Variants in RABGAP1L observed in about 807,000 individuals in gnomAD.
The protein encoded by RABGAP1L is RAB GTPase activating protein 1 like.
RABGAP1L carries 63 observed loss-of-function variants against 137.7 expected under a neutral mutation model. The observed-to-expected ratio is 0.46, with a 90% CI of 0.37 to 0.56. The LOEUF is 0.56. Ranked by LOEUF, RABGAP1L falls within the 20% of genes least tolerant of loss-of-function variation. The probability of loss-of-function intolerance (pLI) is 0.00; values close to 1 mark genes in which losing one functional copy is unlikely to be tolerated. For synonymous variants in RABGAP1L, 431 were observed against 433.7 expected (o/e 0.99, Z 0.08); for missense variants, 1,095 against 1,244.0 (o/e 0.88, Z 1.80).
At chr1:174,934,289 T>C (rs980837779) in intron 19 of RABGAP1L, among the ~76,000 whole-genome samples, 1 of 152,044 alleles carries the variant, frequency 6.6e-6, no homozygotes, top group African/African-American at 2.4e-5. Flanking sequence ...GGTTTCACCA[T>C]GTAGGTCAGG....
chr1:174,794,461 C>T (rs1688093512), intron 18 of RABGAP1L, among the ~76,000 whole-genome samples: 1 of 152,158 alleles, frequency 6.6e-6, no homozygotes, highest in Non-Finnish European at 1.5e-5. Flanking sequence ...ATGTGCTAGG[C>T]TCTACGAGAG....
chr1:174,645,850 C>T (rs570018285), intron 14 of RABGAP1L, among the ~76,000 whole-genome samples: 2 of 152,206 alleles, frequency 1.3e-5, no homozygotes, highest in South Asian at 2.1e-4. Context: ...CCTGTTTCTC[C>T]ACATCCTCTC....
chr1:174,851,096 T>C (rs867752321), intron 19 of RABGAP1L, among the ~76,000 whole-genome samples: 2 of 152,242 alleles, frequency 1.3e-5, no homozygotes, highest in African/African-American at 2.4e-5. Flanking sequence ...TGATTTCAGC[T>C]TTGTGATACC....
At chr1:174,662,598 T>A (rs1291211698) in intron 14 of RABGAP1L, among the ~76,000 whole-genome samples, 3 of 152,096 alleles carry the variant, frequency 2.0e-5, no homozygotes, top group Admixed American at 1.3e-4. Flanking sequence ...TTCACCATGT[T>A]GGCCAGGCTG....
intron 13 of RABGAP1L, among the ~76,000 whole-genome samples, chr1:174,500,054 T>C (rs1243899082): frequency 6.6e-6 from 1 of 151,814 alleles, no homozygotes; most frequent in East Asian, 1.9e-4. Flanking sequence ...ATTTACCCAG[T>C]ATAAATTACT....
chr1:174,568,391 A>C (rs1667726841), intron 13 of RABGAP1L, among the ~76,000 whole-genome samples: 1 of 152,230 alleles, frequency 6.6e-6, no homozygotes, highest in Non-Finnish European at 1.5e-5. Context: ...TAATAATGAT[A>C]ACATCAAAGT....
chr1:174,613,408 T>C (rs886723448), intron 13 of RABGAP1L, among the ~76,000 whole-genome samples: 4 of 152,170 alleles, frequency 2.6e-5, no homozygotes, highest in African/African-American at 9.6e-5. Flanking sequence ...TTGATTGCAC[T>C]GTGGTCTGAG....
intron 13 of RABGAP1L, among the ~76,000 whole-genome samples, chr1:174,543,519 G>C (rs1361548067): frequency 6.6e-6 from 1 of 152,122 alleles, no homozygotes; most frequent in African/African-American, 2.4e-5. Flanking sequence ...CCTGAATACA[G>C]CACACTGATG....
At chr1:174,816,457 A>G (rs1001012376) in intron 19 of RABGAP1L, among the ~76,000 whole-genome samples, 2 of 151,836 alleles carry the variant, frequency 1.3e-5, no homozygotes, top group African/African-American at 4.8e-5. Flanking sequence ...CGTAATATAT[A>G]GCTTTATTAA....
intron 11 of RABGAP1L, among the ~76,000 whole-genome samples, chr1:174,307,619 C>G (rs1274029515): frequency 1.3e-5 from 2 of 152,152 alleles, no homozygotes; most frequent in Non-Finnish European, 2.9e-5. Flanking sequence ...ATTGTTTCAT[C>G]TACATTGATA....
intron 13 of RABGAP1L, among the ~76,000 whole-genome samples, chr1:174,506,806 C>T (rs962950052): frequency 6.6e-6 from 1 of 152,050 alleles, no homozygotes; most frequent in Admixed American, 6.6e-5. Context: ...ACCACCTGTT[C>T]CCCAAAAACT....
intron 1 of RABGAP1L, among the ~76,000 whole-genome samples, chr1:174,208,784 T>C (rs1310011818): frequency 6.6e-6 from 1 of 152,224 alleles, no homozygotes; most frequent in African/African-American, 2.4e-5. Flanking sequence ...AGTTAGAAAG[T>C]ATTACCTCTG....
intron 14 of RABGAP1L, among the ~76,000 whole-genome samples, chr1:174,672,280 TC>T (rs1677241873): frequency 8.3e-6 from 1 of 121,074 alleles, no homozygotes. Context: ...TTTTTTCCTT[TC>T]TTTTTTTTTT....
intron 13 of RABGAP1L, among the ~76,000 whole-genome samples, chr1:174,551,021 T>TATATATATATATATATACACAC (rs1553330343): frequency 1.6e-5 from 2 of 122,796 alleles, no homozygotes; most frequent in East Asian, 2.1e-4. Flanking sequence ...TATATATATA[T>TATATATATATATATATACACAC]ACATACACAC....
chr1:174,354,454 A>G lies in RABGAP1L; in HGVS notation c.1466-16525A>G, dbSNP rs180737811. ...TAGCTATTTATGTATGTTCTTTCCT[A>G]TCATCTGCAAAGTGCTTCTCTCCTT... On this transcript the variant is annotated intron_variant, in intron 11 of 25. Coordinates refer to ENST00000681986, the MANE Select transcript of RABGAP1L (RefSeq NM_001366446.1). 1.1e-3 allele frequency among the ~76,000 whole-genome samples: 167 copies of G among 152,214 alleles called. 1 individual carries two copies. Among genetic ancestry groups the G allele is most frequent in the African/African-American group, 3.7e-3 (153 of 41,532 alleles).
chr1:174,788,693 G>A (rs1217302340), intron 18 of RABGAP1L, among the ~76,000 whole-genome samples: 1 of 152,034 alleles, frequency 6.6e-6, no homozygotes, highest in African/African-American at 2.4e-5. Flanking sequence ...GGCCTCAGAT[G>A]TACTTACTGG....
chr1:174,982,701 C>A, intron 23 of RABGAP1L, 133 bp from the exon 24 acceptor site: 3 of 820,018 alleles, frequency 3.7e-6, no homozygotes, highest in South Asian at 1.6e-5. Context: ...CTGGCATTTG[C>A]AGTGCTATTC....
At chr1:174,426,655 C>T (rs1209472675) in intron 13 of RABGAP1L, among the ~76,000 whole-genome samples, 1 of 152,004 alleles carries the variant, frequency 6.6e-6, no homozygotes, top group Non-Finnish European at 1.5e-5. Flanking sequence ...ATTTTATGAG[C>T]ACTTTTTTCC....
At position 174,940,936 on chromosome 1, in the gene RABGAP1L, G is replaced by T. The variant is rs190327522; in HGVS notation, c.2341-16521G>T. Among the ~76,000 whole-genome samples the T allele has an allele frequency of 7.2e-4, 110 of 152,266 alleles. 1 individual carries two copies. Among genetic ancestry groups the T allele is most frequent in the Admixed American group, 6.0e-3 (91 of 15,288 alleles). On this transcript the variant is annotated intron_variant, in intron 19 of 25. Transcript: ENST00000681986. ...AATAGGTTCATGCTTTCAGCGATTG[G>T]CAGCAACCTAGACAGTCTTCATTCT...
Sources: gnomAD v4.1 joint callset for allele counts (sites outside exome capture counted in the v4.1 genomes callset) on GRCh38, gnomAD v4.1.1 for gene constraint, MANE v1.5 for transcripts, NCBI Gene and HGNC (gene_info 2026-07-23, HGNC 2026-07-21) for gene names.